TRPM2: variants seen among roughly 807,000 people sequenced by gnomAD.
TRPM2 encodes the protein estrogen-responsive element-associated gene 1 protein.
In TRPM2, 161 loss-of-function variants were observed where a neutral mutation model predicts 174.0. The ratio of observed to expected loss-of-function variants is 0.93; its 90% CI spans 0.81 to 1.05. TRPM2 has a LOEUF of 1.05. Ranked by LOEUF, TRPM2 falls within the 50% of genes least tolerant of loss-of-function variation. TRPM2 has a pLI of 0.00. For synonymous variants in TRPM2, 954 were observed against 861.3 expected, an observed-to-expected ratio of 1.11 and a Z score of -1.88; for missense variants, 2,057 against 2,038.0, an observed-to-expected ratio of 1.01 and a Z score of -0.18.
intron 2 of TRPM2, among the ~76,000 whole-genome samples, chr21:44,358,033 A>G (rs1396500057): frequency 6.6e-6 from 1 of 152,124 alleles, no homozygotes; most frequent in Non-Finnish European, 1.5e-5. Flanking sequence ...ACAGCTTTTC[A>G]AGCAGATTTA....
chr21:44,380,450 T>G (rs2048846326), intron 8 of TRPM2, among the ~76,000 whole-genome samples: 1 of 152,178 alleles, frequency 6.6e-6, no homozygotes, highest in Admixed American at 6.5e-5. Flanking sequence ...GATAAATTAT[T>G]CAGGCAATTC....
intron 15 of TRPM2, 58 bp downstream of exon 15, chr21:44,400,429 C>G: frequency 6.8e-7 from 1 of 1,461,132 alleles, no homozygotes; most frequent in Admixed American, 1.8e-5. Flanking sequence ...GGGAGAGGCT[C>G]CTGGGGGCTC....
intron 3 of TRPM2, among the ~76,000 whole-genome samples, chr21:44,365,750 G>C (rs887502980): frequency 6.6e-6 from 1 of 152,200 alleles, no homozygotes; most frequent in Non-Finnish European, 1.5e-5. Flanking sequence ...CCTGTGGCCT[G>C]ACAGTGAGGG....
chr21:44,425,380 T>C (rs2050723506), intron 24 of TRPM2: 2 of 423,274 alleles, frequency 4.7e-6, no homozygotes, highest in Non-Finnish European at 8.4e-6. Flanking sequence ...TCAAGGAGCA[T>C]ATTTGCCCTC....
chr21:44,414,538 A>T (rs1277188648), intron 20 of TRPM2: 1 of 160,530 alleles, frequency 6.2e-6, no homozygotes, highest in African/African-American at 2.4e-5. Context: ...CCTGTTACTG[A>T]GCAAAAGGGC....
At position 44,400,382 on chromosome 21, in the gene TRPM2, G is replaced by A; in HGVS notation, c.2321+11G>A. The A allele has an allele frequency of 2.5e-6, 4 of 1,602,760 alleles. No homozygotes were observed. Among genetic ancestry groups the A allele is most frequent in the Non-Finnish European group, 3.4e-6 (4 of 1,175,526 alleles). On this transcript the variant is annotated intron_variant, in intron 15 of 31. Coordinates refer to ENST00000397928, the MANE Select transcript of TRPM2 (RefSeq NM_003307.4). Reference sequence around the variant, plus strand: ...CCTCATCTCCTTCAGGTGCTGCAGGGCTGCGGGGCTGCGGGACTGTGGGGC... The same window carrying A: ...CCTCATCTCCTTCAGGTGCTGCAGGACTGCGGGGCTGCGGGACTGTGGGGC...
intron 29 of TRPM2, among the ~76,000 whole-genome samples, chr21:44,437,880 G>A (rs1034326189): frequency 6.6e-6 from 1 of 152,268 alleles, no homozygotes; most frequent in Non-Finnish European, 1.5e-5. Context: ...GTCCTGCCAG[G>A]CCTGGCCGTG....
intron 27 of TRPM2, among the ~76,000 whole-genome samples, chr21:44,428,074 T>C (rs1052927744): frequency 6.6e-6 from 1 of 152,166 alleles, no homozygotes; most frequent in African/African-American, 2.4e-5. Context: ...GTGGTGTCCA[T>C]GCGGGCTTTA....
At chr21:44,400,451 T>C in intron 15 of TRPM2, 80 bp downstream of exon 15, 1 of 1,219,566 alleles carries the variant, frequency 8.2e-7, no homozygotes, top group Non-Finnish European at 1.2e-6. Context: ...GGATCTTCCC[T>C]AGATCCCCTC....
chr21:44,367,650 C>A lies in TRPM2; in HGVS notation c.604+716C>A, dbSNP rs552474622. On this transcript the variant is annotated intron_variant, in intron 4 of 31. Coordinates refer to ENST00000397928, the MANE Select transcript of TRPM2 (RefSeq NM_003307.4). This position sits in a 1 kb window ranked among gnomAD's most constrained non-coding sequence, Gnocchi z 4.6. ...GGGGACTGTGGATGAATAGTGAGGC[C>A]CTGAGGTGACTACTTGGCAATGTTG... is the stretch of plus-strand genomic sequence containing the variant. Among the ~76,000 whole-genome samples, 11 of 152,290 alleles carry A rather than the reference C, an allele frequency of 7.2e-5. No homozygotes were observed. The South Asian group carries it at 2.3e-3, about 32-fold the overall frequency.
intron 12 of TRPM2, among the ~76,000 whole-genome samples, chr21:44,397,179 C>G (rs891627509): frequency 2.0e-5 from 3 of 151,904 alleles, no homozygotes; most frequent in Admixed American, 2.0e-4. Flanking sequence ...ACTAGAACAA[C>G]AGGCATGTGC....
rs571733512 is a variant in TRPM2 at position 44,397,762 on chromosome 21, G to T, written c.1948G>T (p.Ala650Ser). 59 of 1,590,594 alleles carry T rather than the reference G, an allele frequency of 3.7e-5. No homozygotes were observed. The highest frequency in any genetic ancestry group is 3.4e-4 in the Middle Eastern group (2 of 5,958). The change falls in exon 13 of 32, where the codon GCA becomes TCA. Residue 650 changes from alanine (A) to serine (S), a missense_variant. By Grantham distance (99) the Ala-to-Ser change is moderately conservative. Transcript: ENST00000397928. ...IIWAQSQDCI[A>S]AALACSKILK... ...TGGTCCCCAGAGCCAGGACTGCATC[G>T]CAGCGGCCTTGGCCTGCAGCAAGAT...
rs1469171751 is a variant in TRPM2 at position 44,427,027 on chromosome 21, C to G, written c.3890C>G (p.Ser1297Cys). The part of the protein sequence containing the change: ...DPMGDTLEPL[S>C]TIQYNVVDGL... ...GCTCCCAGCACCCTGGAGCCACTGT[C>G]CACGATCCAGTACAACGTGGTGGAT... Residue 1297 changes from serine (S) to cysteine (C), a missense_variant, in exon 27 of 32, where the codon TCC becomes TGC. Transcript: ENST00000397928. 1 of 1,603,240 alleles carries G rather than the reference C, an allele frequency of 6.2e-7. No homozygotes were observed. The highest frequency in any genetic ancestry group is 8.5e-7 in the Non-Finnish European group (1 of 1,176,056).
intron 16 of TRPM2, among the ~76,000 whole-genome samples, chr21:44,403,725 A>G (rs1358601753): frequency 6.6e-6 from 1 of 151,558 alleles, no homozygotes; most frequent in Non-Finnish European, 1.5e-5. Context: ...ATATGCATGG[A>G]CACACATACA....
chr21:44,405,342 G>T, intron 17 of TRPM2, 82 bp downstream of exon 17: 11 of 1,579,352 alleles, frequency 7.0e-6, no homozygotes, highest in Non-Finnish European at 9.4e-6. Context: ...CCCAGAACCA[G>T]CCACACCGGG....
In TRPM2 at chr21:44,358,139, A is replaced by G. The variant is rs1278828188; in HGVS notation, c.254+3403A>G. Among the ~76,000 whole-genome samples, 3 of 152,064 alleles carry G rather than the reference A, an allele frequency of 2.0e-5. No individual in the cohort carries two copies. The East Asian group carries it at 5.8e-4, about 29-fold the overall frequency. ...CCTCGACACCCGCCCGGGTAATCCC[A>G]CTGCTTAGCCCCACGTCCTGGTAAC... On this transcript the variant is annotated intron_variant, in intron 2 of 31. Coordinates refer to ENST00000397928, the MANE Select transcript of TRPM2 (RefSeq NM_003307.4).
chr21:44,406,244 C>T (rs1171181661), intron 18 of TRPM2, among the ~76,000 whole-genome samples: 1 of 152,126 alleles, frequency 6.6e-6, no homozygotes, highest in Non-Finnish European at 1.5e-5. Flanking sequence ...CCTCATTCTC[C>T]CCTCTGATCC....
At chr21:44,352,469 G>T (rs1198875921), upstream of TRPM2, among the ~76,000 whole-genome samples, 1 of 152,276 alleles carries the variant, frequency 6.6e-6, no homozygotes, top group African/African-American at 2.4e-5. Flanking sequence ...GTGATGAGGG[G>T]ACGGCAGAGC....
chr21:44,363,080 A>T (rs552777819), intron 2 of TRPM2, among the ~76,000 whole-genome samples: 1,529 of 152,226 alleles, frequency 0.01, 12 homozygotes, highest in South Asian at 0.036. Context: ...CCGCTTTTAA[A>T]AGTTTTTATT....
Sources: gnomAD v4.1 joint callset for allele counts (sites outside exome capture counted in the v4.1 genomes callset) on GRCh38, gnomAD v4.1.1 for gene constraint, Gnocchi (gnomAD v3.1) non-coding constraint, MANE v1.5 for transcripts, NCBI Gene and HGNC (gene_info 2026-07-23, HGNC 2026-07-21) for gene names.